The following IFT81 variants were observed in gnomAD, a reference collection of about 807,000 sequenced individuals.
IFT81 encodes the protein intraflagellar transport protein 81 homolog.
In IFT81, 72 loss-of-function variants were observed where a neutral mutation model predicts 102.6. The observed-to-expected ratio is 0.70, with a 90% CI of 0.58 to 0.85. The LOEUF (loss-of-function observed/expected upper bound fraction) is 0.85. Among genes scored for constraint, IFT81 ranks in the 40% least tolerant of loss-of-function variants. The probability of loss-of-function intolerance (pLI) is 0.00; values close to 1 mark genes in which losing one functional copy is unlikely to be tolerated. For missense variants in IFT81, 723 were observed against 787.3 expected (o/e 0.92, Z 0.98); for synonymous variants, 237 against 242.7 (o/e 0.98, Z 0.22).
At chr12:110,173,115 T>C (rs1593333403) in intron 11 of IFT81, among the ~76,000 whole-genome samples, 1 of 103,626 alleles carries the variant, frequency 9.7e-6, no homozygotes, top group Non-Finnish European at 1.9e-5. Flanking sequence ...GGGAGGGAGG[T>C]GGGGGGGTCA....
intron 4 of IFT81, among the ~76,000 whole-genome samples, chr12:110,131,886 G>A (rs1355136195): frequency 6.6e-6 from 1 of 152,164 alleles, no homozygotes; most frequent in African/African-American, 2.4e-5. Flanking sequence ...GTGAAGACTT[G>A]AAGGATGAAA....
chr12:110,210,124 A>G (rs904966547), intron 18 of IFT81, among the ~76,000 whole-genome samples: 1 of 152,196 alleles, frequency 6.6e-6, no homozygotes, highest in African/African-American at 2.4e-5. Flanking sequence ...CAAAGACACC[A>G]GCTTTGCATT....
chr12:110,195,502 T>TA (rs1244112600), intron 14 of IFT81, among the ~76,000 whole-genome samples: 3 of 152,140 alleles, frequency 2.0e-5, no homozygotes, highest in Non-Finnish European at 4.4e-5. Context: ...CTCTAGCAAT[T>TA]AAAAAAATGA....
chr12:110,200,360 G>A (rs1232900395), intron 14 of IFT81, among the ~76,000 whole-genome samples: 1 of 152,114 alleles, frequency 6.6e-6, no homozygotes, highest in Non-Finnish European at 1.5e-5. Flanking sequence ...AATACTGTAG[G>A]CAGTTGTTAC....
intron 1 of IFT81, among the ~76,000 whole-genome samples, chr12:110,126,428 G>C (rs988403826): frequency 6.6e-6 from 1 of 152,094 alleles, no homozygotes; most frequent in Non-Finnish European, 1.5e-5. Context: ...CTGGCGTTTG[G>C]TGGGCATGGC....
chr12:110,205,826 A>G (rs1288374779), intron 17 of IFT81, 146 bp downstream of exon 17: 4 of 514,684 alleles, frequency 7.8e-6, no homozygotes, highest in Non-Finnish European at 3.4e-6. Flanking sequence ...CTAAACATCT[A>G]GATATTTTAG....
intron 15 of IFT81, 49 bp downstream of exon 15, chr12:110,203,999 G>A: frequency 3.4e-6 from 4 of 1,162,788 alleles, no homozygotes; most frequent in Non-Finnish European, 5.1e-6. Context: ...CTACCTGTGT[G>A]TACACCTGTA....
chr12:110,141,061 G>T (rs1376361071), intron 8 of IFT81, among the ~76,000 whole-genome samples: 1 of 151,084 alleles, frequency 6.6e-6, no homozygotes, highest in Non-Finnish European at 1.5e-5. Context: ...TTTTGCTCTT[G>T]TTGCCCAGGC....
intron 18 of IFT81, chr12:110,216,822 G>C (rs987779211): frequency 3.2e-6 from 1 of 316,710 alleles, no homozygotes; most frequent in Non-Finnish European, 6.1e-6. Flanking sequence ...AAGCATACCT[G>C]ACATATAACA....
intron 10 of IFT81, among the ~76,000 whole-genome samples, chr12:110,157,953 A>G (rs894238379): frequency 6.6e-5 from 10 of 151,872 alleles, no homozygotes; most frequent in Admixed American, 3.9e-4. Context: ...CATCTTCATG[A>G]GTTCTTTGAG....
At chr12:110,216,179 T>C (rs1244628092) in intron 18 of IFT81, among the ~76,000 whole-genome samples, 1 of 151,796 alleles carries the variant, frequency 6.6e-6, no homozygotes. Flanking sequence ...TTTGGTTGTT[T>C]TGTTTTGTTT....
intron 17 of IFT81, 118 bp from the exon 18 acceptor site, chr12:110,209,053 C>T: frequency 4.3e-6 from 2 of 464,466 alleles, no homozygotes; most frequent in Non-Finnish European, 3.8e-6. Context: ...ATTCTGACTC[C>T]AGTACCCTAA....
intron 11 of IFT81, among the ~76,000 whole-genome samples, chr12:110,177,286 T>A (rs1347405403): frequency 6.6e-6 from 1 of 152,214 alleles, no homozygotes; most frequent in East Asian, 1.9e-4. Context: ...TGTTTTGTTT[T>A]GTTTTGTTTT....
chr12:110,207,373 C>A (rs1028689081), intron 17 of IFT81, among the ~76,000 whole-genome samples: 9 of 151,870 alleles, frequency 5.9e-5, no homozygotes, highest in Admixed American at 2.0e-4. Context: ...AATGAGGATT[C>A]ATCAAGACTA....
At chr12:110,198,268 T>C (rs1284082807) in intron 14 of IFT81, among the ~76,000 whole-genome samples, 2 of 152,088 alleles carry the variant, frequency 1.3e-5, no homozygotes, top group East Asian at 1.9e-4. Flanking sequence ...AAGTAAGCCA[T>C]CTTTTTTTTT....
rs192431602 is a variant in IFT81, at chr12:110,210,958, C to T, written c.1848+1742C>T. Among the ~76,000 whole-genome samples the T allele has an allele frequency of 3.6e-3, 533 of 149,984 alleles. 8 individuals carry two copies. Among genetic ancestry groups the T allele is most frequent in the African/African-American group, 0.012 (485 of 41,124 alleles). ...CAGCCTTGGCCTCCCCACGCTCAAG[C>T]GATCCTCCCACCTCAGCCTCCTGAA... is the stretch of plus-strand genomic sequence containing the variant. On this transcript the variant is annotated intron_variant, in intron 18 of 18. Coordinates refer to ENST00000242591, the MANE Select transcript of IFT81 (RefSeq NM_014055.4).
At chr12:110,188,511 C>T (rs1180278882) in intron 12 of IFT81, among the ~76,000 whole-genome samples, 3 of 151,896 alleles carry the variant, frequency 2.0e-5, no homozygotes, top group Admixed American at 2.0e-4. Context: ...GTCCTATTGA[C>T]AGGCCAGAAT....
chr12:110,205,456 T>C lies in IFT81; in HGVS notation c.1658T>C (p.Leu553Pro). 1 of 1,601,962 alleles carries C rather than the reference T, an allele frequency of 6.2e-7. No homozygotes were observed. The highest frequency in any genetic ancestry group is 8.5e-7 in the Non-Finnish European group (1 of 1,175,792). The change falls in exon 16 of 19, where the codon CTC (leucine) becomes CCC (proline). Residue 553 changes from leucine to proline, a missense_variant. Transcript: ENST00000242591. ...RSKLEQEVRR[L>P]REECLQEESR... ...TATATATTATAGGAAGTTAGAAGAC[T>C]CCGTGAAGAATGTCTTCAAGAAGAA...
chr12:110,148,478 A>G (rs891555474), intron 10 of IFT81, among the ~76,000 whole-genome samples: 3 of 150,978 alleles, frequency 2.0e-5, no homozygotes, highest in African/African-American at 7.3e-5. Flanking sequence ...TAGCTGGACT[A>G]CTTTTTTTTT....
Sources: gnomAD v4.1 joint callset for allele counts (sites outside exome capture counted in the v4.1 genomes callset) on GRCh38, gnomAD v4.1.1 for gene constraint, MANE v1.5 for transcripts, NCBI Gene and HGNC (gene_info 2026-07-23, HGNC 2026-07-21) for gene names.